STXBP5L: variants seen among roughly 807,000 people sequenced by gnomAD.
The protein encoded by STXBP5L is syntaxin binding protein 5L, also known as syntaxin-binding protein 5-like.
STXBP5L carries 65 observed loss-of-function variants against 144.5 expected under a neutral mutation model. The observed-to-expected ratio is 0.45, with a 90% confidence interval of 0.37 to 0.55. The LOEUF is 0.55. Ranked by LOEUF, STXBP5L falls within the 20% of genes least tolerant of loss-of-function variation. The pLI, the probability that STXBP5L is intolerant of heterozygous loss-of-function variation, is 0.00. For synonymous variants in STXBP5L, 505 were observed against 469.6 expected, an observed-to-expected ratio of 1.08 and a Z score of -0.97; for missense variants, 1,298 against 1,405.5, an observed-to-expected ratio of 0.92 and a Z score of 1.22.
At chr3:121,017,638 C>T (rs371929394) in intron 3 of STXBP5L, among the ~76,000 whole-genome samples, 3 of 152,246 alleles carry the variant, frequency 2.0e-5, no homozygotes, top group East Asian at 3.9e-4. Context: ...TCTTATATAC[C>T]AGCAATGAAC....
At chr3:120,984,591 T>C (rs1942109347) in intron 3 of STXBP5L, among the ~76,000 whole-genome samples, 1 of 151,442 alleles carries the variant, frequency 6.6e-6, no homozygotes, top group Non-Finnish European at 1.5e-5. Flanking sequence ...GATTACTTAC[T>C]TCGTTCTTTC....
chr3:121,281,656 T>C (rs2051063382), intron 19 of STXBP5L, among the ~76,000 whole-genome samples: 1 of 151,988 alleles, frequency 6.6e-6, no homozygotes, highest in South Asian at 2.1e-4. Flanking sequence ...ACAAAGGTAA[T>C]ACAATTATTA....
chr3:121,399,423 A>G (rs2046815927), intron 22 of STXBP5L, among the ~76,000 whole-genome samples: 1 of 152,212 alleles, frequency 6.6e-6, no homozygotes, highest in Non-Finnish European at 1.5e-5. Context: ...GAGGAATTAA[A>G]GACACACACA....
rs141249450 is a variant in STXBP5L, at chr3:121,186,505, C to T, written c.878-19418C>T. On this transcript the variant is annotated intron_variant, in intron 9 of 26. Transcript: ENST00000471454. ...TTTATTGAGAGTTTGTAGCATGAAG[C>T]ATTGTTGAATTTTGTCAAAGGCCTT... is the stretch of plus-strand genomic sequence containing the variant. 4.6e-5 allele frequency among the ~76,000 whole-genome samples: 7 copies of T among 151,140 alleles called. No homozygotes were observed. In the East Asian group the frequency reaches 5.8e-4, roughly 13 times the overall value.
intron 9 of STXBP5L, among the ~76,000 whole-genome samples, chr3:121,192,829 G>T (rs865981418): frequency 6.6e-6 from 1 of 152,168 alleles, no homozygotes; most frequent in Middle Eastern, 3.4e-3. Flanking sequence ...ATTCAAGACG[G>T]ATTAAAGACT....
intron 12 of STXBP5L, among the ~76,000 whole-genome samples, chr3:121,235,835 A>ACG (rs1345337564): frequency 3.6e-5 from 5 of 139,060 alleles, no homozygotes; most frequent in African/African-American, 1.1e-4. Context: ...ACACACACAC[A>ACG]CACACATACA....
At chr3:121,052,446 C>A (rs1474975738) in intron 5 of STXBP5L, among the ~76,000 whole-genome samples, 3 of 152,220 alleles carry the variant, frequency 2.0e-5, no homozygotes, top group Non-Finnish European at 2.9e-5. Context: ...TCAATATACG[C>A]AAATCAATAA....
chr3:121,391,029 G>A (rs1188470625), intron 22 of STXBP5L, among the ~76,000 whole-genome samples: 2 of 152,026 alleles, frequency 1.3e-5, no homozygotes, highest in Admixed American at 6.6e-5. Context: ...CCAATCAGAC[G>A]TAAATTTGGT....
intron 3 of STXBP5L, among the ~76,000 whole-genome samples, chr3:121,017,416 A>G (rs2108183283): frequency 6.6e-6 from 1 of 152,356 alleles, no homozygotes; most frequent in South Asian, 2.1e-4. Flanking sequence ...TCTATTTAAC[A>G]TCTTAGTGGA....
intron 5 of STXBP5L, among the ~76,000 whole-genome samples, chr3:121,052,341 C>G (rs1459863511): frequency 6.6e-6 from 1 of 152,210 alleles, no homozygotes; most frequent in South Asian, 2.1e-4. Flanking sequence ...ATGCAAAAAT[C>G]CTCAATAAAA....
At chr3:121,319,411 A>G (rs2043895414) in intron 20 of STXBP5L, among the ~76,000 whole-genome samples, 1 of 152,134 alleles carries the variant, frequency 6.6e-6, no homozygotes, top group Non-Finnish European at 1.5e-5. Context: ...CATTTCTTCC[A>G]TTTATTCCAT....
chr3:121,224,702 A>G (rs573953397), intron 11 of STXBP5L, among the ~76,000 whole-genome samples: 9 of 152,276 alleles, frequency 5.9e-5, no homozygotes, highest in African/African-American at 1.9e-4. Flanking sequence ...AAGTCTGATT[A>G]TGAGAGAGTA....
At chr3:121,173,037 G>A (rs1194162427) in intron 9 of STXBP5L, among the ~76,000 whole-genome samples, 1 of 152,132 alleles carries the variant, frequency 6.6e-6, no homozygotes, top group East Asian at 1.9e-4. Flanking sequence ...ATAAGGACAT[G>A]GATGAAGCTG....
At chr3:121,191,367 G>A (rs1364078527) in intron 9 of STXBP5L, among the ~76,000 whole-genome samples, 3 of 152,170 alleles carry the variant, frequency 2.0e-5, no homozygotes, top group Non-Finnish European at 4.4e-5. Context: ...GCGAAACCCT[G>A]TCTCCACCAA....
At chr3:121,156,877 T>G (rs1211692995) in intron 8 of STXBP5L, among the ~76,000 whole-genome samples, 1 of 151,950 alleles carries the variant, frequency 6.6e-6, no homozygotes, top group African/African-American at 2.4e-5. Context: ...AGTATGCTGT[T>G]TTATATAAGG....
intron 24 of STXBP5L, among the ~76,000 whole-genome samples, chr3:121,415,318 T>C (rs2047207819): frequency 6.6e-6 from 1 of 152,212 alleles, no homozygotes; most frequent in Non-Finnish European, 1.5e-5. Flanking sequence ...CTCTAGTCAT[T>C]GTAAAGCTCA....
At chr3:120,958,402 AT>A (rs1938305478) in intron 3 of STXBP5L, among the ~76,000 whole-genome samples, 1 of 152,212 alleles carries the variant, frequency 6.6e-6, no homozygotes, top group South Asian at 2.1e-4. Flanking sequence ...TCCCTAACTC[AT>A]TTTATCAGGC....
chr3:121,313,026 A>T (rs2043600391), intron 19 of STXBP5L, among the ~76,000 whole-genome samples: 1 of 151,112 alleles, frequency 6.6e-6, no homozygotes, highest in Admixed American at 6.6e-5. Flanking sequence ...CTCACTTCCC[A>T]GTAGGGGCGG....
chr3:121,148,489 CT>C (rs1473335090), intron 7 of STXBP5L, among the ~76,000 whole-genome samples: 2 of 152,064 alleles, frequency 1.3e-5, no homozygotes, highest in African/African-American at 4.8e-5. Context: ...TTAATATGAA[CT>C]TTGTTAATTT....
Sources: allele counts gnomAD v4.1 joint callset (sites outside exome capture counted in the v4.1 genomes callset), GRCh38; gene constraint gnomAD v4.1.1; transcripts MANE v1.5; gene names NCBI Gene and HGNC (gene_info 2026-07-23, HGNC 2026-07-21).